The following COL5A1 variants were observed in gnomAD, a reference collection of about 807,000 sequenced individuals.
The protein encoded by COL5A1 is collagen type V alpha 1 chain.
In COL5A1, 16 loss-of-function variants were observed where a neutral mutation model predicts 263.7. The observed-to-expected ratio is 0.06, with a 90% CI of 0.04 to 0.09. The LOEUF is 0.09. Among genes scored for constraint, COL5A1 ranks in the 10% least tolerant of loss-of-function variants. The pLI, the probability that COL5A1 is intolerant of heterozygous loss-of-function variation, is 1.00. For synonymous variants in COL5A1, 1,012 were observed against 1,004.5 expected (o/e 1.01, Z -0.14); for missense variants, 2,036 against 2,540.5 (o/e 0.80, Z 4.27).
intron 11 of COL5A1, among the ~76,000 whole-genome samples, chr9:134,748,192 TCACACACATG>T (rs1401161485): frequency 4.1e-5 from 6 of 147,818 alleles, no homozygotes; most frequent in Non-Finnish European, 8.9e-5. Flanking sequence ...ATGCATACAT[TCACACACATG>T]CACACACCCC....
chr9:134,770,352 C>T (rs1322700959), intron 25 of COL5A1, among the ~76,000 whole-genome samples: 1 of 152,188 alleles, frequency 6.6e-6, no homozygotes, highest in Non-Finnish European at 1.5e-5. Flanking sequence ...TGAATAAATC[C>T]TGATAGCACA....
In COL5A1 at chr9:134,695,632, G is replaced by A. The variant is rs139586085; in HGVS notation, c.278-4277G>A. On this transcript the variant is annotated intron_variant, in intron 2 of 65. Transcript: ENST00000371817. ...CCATAGAGCAGGATAGGGGTTCCCT[G>A]ATGGCTGAGAGGAGGGGGGTCCCAT... Among the ~76,000 whole-genome samples, 492 of 152,302 alleles carry A rather than the reference G, an allele frequency of 3.2e-3. 3 individuals carry two copies. The highest frequency in any genetic ancestry group is 0.011 in the African/African-American group (455 of 41,554).
intron 42 of COL5A1, among the ~76,000 whole-genome samples, chr9:134,806,869 G>T (rs748065853): frequency 4.6e-5 from 7 of 152,184 alleles, no homozygotes; most frequent in Non-Finnish European, 1.0e-4. Context: ...AAGACAAGGC[G>T]CCTCCCTCTG....
chr9:134,678,326 A>T lies in COL5A1; in HGVS notation c.110-12586A>T, dbSNP rs1458313560. Among the ~76,000 whole-genome samples, 1 of 152,212 alleles carries T rather than the reference A, an allele frequency of 6.6e-6. No homozygotes were observed. The highest frequency in any genetic ancestry group is 2.4e-5 in the African/African-American group (1 of 41,448). ...AGTTGATGAATAAGGGAAGTGTGGC[A>T]GCTGGGCGCAGAGCACATAACAGGT... On this transcript the variant is annotated intron_variant, in intron 1 of 65. Coordinates refer to ENST00000371817, the MANE Select transcript of COL5A1 (RefSeq NM_000093.5). This position sits in a 1 kb window ranked among gnomAD's most constrained non-coding sequence, Gnocchi z 5.5.
chr9:134,691,030 A>C lies in COL5A1; in HGVS notation c.228A>C (p.Arg76Ser). 1 of 1,613,710 alleles carries C rather than the reference A, an allele frequency of 6.2e-7. No homozygotes were observed. Among genetic ancestry groups the C allele is most frequent in the Non-Finnish European group, 8.5e-7 (1 of 1,180,044 alleles). Residue 76 changes from arginine (R) to serine (S), a missense_variant, in exon 2 of 66, where the codon AGA becomes AGC. Physicochemically the swap from Arg to Ser is moderately radical, Grantham distance 110. Coordinates refer to ENST00000371817, the MANE Select transcript of COL5A1 (RefSeq NM_000093.5). ...CCAAAGGCCCGGATGTCGCTTACAG[A>C]GTCACCAAAGACGCGCAGCTCAGCG... is the stretch of plus-strand genomic sequence containing the variant. Reference protein sequence around the residue: ...RSSKGPDVAYRVTKDAQLSAP... With the variant: ...RSSKGPDVAYSVTKDAQLSAP...
Position 134,805,364 on chromosome 9 carries a change from A to G in COL5A1, c.3258+150A>G, listed in dbSNP as rs62571404. The stretch of plus-strand genomic sequence containing the variant: ...AGGGGGGAAAATGGCCTTCAGGGAG[A>G]TGCGGACGGCGCATCCCAAGCTGGC... On this transcript the variant is annotated intron_variant, in intron 41 of 65. Transcript: ENST00000371817. The G allele has an allele frequency of 0.025, 22,518 of 913,514 alleles. 377 individuals carry two copies. The highest frequency in any genetic ancestry group is 0.06 in the African/African-American group (3,688 of 61,326). 56.6% of individuals were successfully genotyped at this position (913,514 alleles called of 1,614,324 possible). A position where few individuals can be genotyped will look rare whatever the true frequency, so the allele number is the denominator to read the frequency against.
intron 57 of COL5A1, 152 bp from the exon 58 acceptor site, chr9:134,819,964 C>T (rs1838928017): frequency 1.4e-6 from 1 of 726,708 alleles, no homozygotes; most frequent in Middle Eastern, 2.4e-4. Flanking sequence ...GTCACCTGGC[C>T]CCTCTGTTGA....
intron 64 of COL5A1, among the ~76,000 whole-genome samples, chr9:134,834,551 G>A (rs1363548841): frequency 2.0e-5 from 3 of 152,144 alleles, no homozygotes; most frequent in African/African-American, 2.4e-5. Context: ...GGCCAGTAAC[G>A]AGCAAGAAGG....
rs1377203647 is a variant in COL5A1 at position 134,834,967 on chromosome 9, C to T, written c.5137-4C>T. On this transcript the variant is annotated splice_region_variant and splice_polypyrimidine_tract_variant and intron_variant, in intron 64 of 65. Transcript: ENST00000371817. ...GCTGAGCCCCAACACCCCTGTCCCCCCAGCTCTCCTATGTGGACGCCGAGG... is the reference window on the plus strand; with the variant it reads ...GCTGAGCCCCAACACCCCTGTCCCCTCAGCTCTCCTATGTGGACGCCGAGG... 3 of 1,609,366 alleles carry T rather than the reference C, an allele frequency of 1.9e-6. No individual in the cohort carries two copies. Among genetic ancestry groups the T allele is most frequent in the Non-Finnish European group, 2.5e-6 (3 of 1,176,824 alleles).
At chr9:134,774,365 TG>T (rs757692062) in intron 26 of COL5A1, among the ~76,000 whole-genome samples, 2 of 152,114 alleles carry the variant, frequency 1.3e-5, no homozygotes, top group Non-Finnish European at 2.9e-5. Flanking sequence ...GCTGGGGGCA[TG>T]GGGGCTGGAT....
At chr9:134,786,824 C>T (rs1005062769) in intron 31 of COL5A1, among the ~76,000 whole-genome samples, 4 of 152,182 alleles carry the variant, frequency 2.6e-5, no homozygotes, top group Non-Finnish European at 5.9e-5. Context: ...TCTGCCTCTG[C>T]CCGAGGCATC....
chr9:134,818,393 C>G lies in COL5A1; in HGVS notation c.4231-263C>G, dbSNP rs3827847. 6.6e-6 allele frequency among the ~76,000 whole-genome samples: 1 copy of G among 152,152 alleles called. No individual in the cohort carries two copies. The highest frequency in any genetic ancestry group is 1.5e-5 in the Non-Finnish European group (1 of 68,010). ...GAGGTTGTGCGGTTCCATCCCTGCTCGGGCAGTGGCGCTGTGACACCCGGT... is the reference window on the plus strand; with the variant it reads ...GAGGTTGTGCGGTTCCATCCCTGCTGGGGCAGTGGCGCTGTGACACCCGGT... On this transcript the variant is annotated intron_variant, in intron 54 of 65. Coordinates refer to ENST00000371817, the MANE Select transcript of COL5A1 (RefSeq NM_000093.5). The surrounding 1 kb of genome is among the most constrained non-coding windows in gnomAD (Gnocchi z 6.0).
At chr9:134,759,962 C>T (rs946413092) in intron 18 of COL5A1, among the ~76,000 whole-genome samples, 1 of 128,796 alleles carries the variant, frequency 7.8e-6, no homozygotes, top group Admixed American at 7.7e-5. Context: ...CCCCCACACT[C>T]ATGCACACAT....
At chr9:134,675,220 C>G (rs908756146) in intron 1 of COL5A1, among the ~76,000 whole-genome samples, 1 of 152,030 alleles carries the variant, frequency 6.6e-6, no homozygotes, top group Non-Finnish European at 1.5e-5. Flanking sequence ...TGTTAAACTC[C>G]CATAGGAGCA....
chr9:134,772,655 T>G (rs1836902208), intron 25 of COL5A1, 135 bp from the exon 26 acceptor site: 2 of 1,014,038 alleles, frequency 2.0e-6, no homozygotes. Flanking sequence ...TGCCTTCGAC[T>G]TCTGGTGCTC....
chr9:134,789,531 G>T lies in COL5A1; in HGVS notation c.2700+323G>T, dbSNP rs1837596411. The stretch of plus-strand genomic sequence containing the variant: ...TCAGATTCTTCTCCTCTACCCAAGT[G>T]GGCTTTTCCTCCAAGCTAATTTTAA... On this transcript the variant is annotated intron_variant, in intron 32 of 65. Transcript: ENST00000371817. The surrounding 1 kb of genome is among the most constrained non-coding windows in gnomAD (Gnocchi z 4.8). Among the ~76,000 whole-genome samples, 1 of 152,162 alleles carries T rather than the reference G, an allele frequency of 6.6e-6. No individual in the cohort carries two copies. The highest frequency in any genetic ancestry group is 2.4e-5 in the African/African-American group (1 of 41,428).
At chr9:134,776,370 G>C (rs900882483) in intron 27 of COL5A1, among the ~76,000 whole-genome samples, 1 of 152,216 alleles carries the variant, frequency 6.6e-6, no homozygotes, top group Non-Finnish European at 1.5e-5. Context: ...AGCTAAAAAG[G>C]TGTTTGCTTT....
chr9:134,749,289 T>C (rs979635323), intron 11 of COL5A1, among the ~76,000 whole-genome samples: 1 of 152,168 alleles, frequency 6.6e-6, no homozygotes, highest in Admixed American at 6.5e-5. Flanking sequence ...TAGTGATGAA[T>C]GTGTTAGTTA....
chr9:134,670,678 C>G (rs766240818), intron 1 of COL5A1, among the ~76,000 whole-genome samples: 1 of 152,184 alleles, frequency 6.6e-6, no homozygotes, highest in Non-Finnish European at 1.5e-5. Context: ...AGAGTGGAAA[C>G]TCACATGCAT....
Sources: allele counts gnomAD v4.1 joint callset (sites outside exome capture counted in the v4.1 genomes callset), GRCh38; gene constraint gnomAD v4.1.1; non-coding constraint Gnocchi (gnomAD v3.1); transcripts MANE v1.5; gene names NCBI Gene and HGNC (gene_info 2026-07-23, HGNC 2026-07-21).